GALNT13: variants seen among roughly 807,000 people sequenced by gnomAD.
GALNT13 encodes UDP-GalNAc:polypeptide N-acetylgalactosaminyltransferase 13.
Under a neutral mutation model 64.2 loss-of-function variants are expected in GALNT13, and 28 were observed. The ratio of observed to expected loss-of-function variants is 0.44; its 90% CI spans 0.32 to 0.60. The LOEUF is 0.60. GALNT13 is among the 20% of genes least tolerant of loss of function. The probability of loss-of-function intolerance (pLI) is 0.05; values close to 1 mark genes in which losing one functional copy is unlikely to be tolerated. For missense variants in GALNT13, 577 were observed against 669.8 expected, an observed-to-expected ratio of 0.86 and a Z score of 1.53; for synonymous variants, 214 against 224.6, an observed-to-expected ratio of 0.95 and a Z score of 0.42.
the GALNT13 span, among the ~76,000 whole-genome samples, chr2:153,198,342 C>T: frequency 6.6e-6 from 1 of 152,180 alleles, no homozygotes; most frequent in Admixed American, 6.5e-5. Flanking sequence ...ACTAGAATTA[C>T]AGGAGTCTGA....
chr2:153,193,586 T>C, the GALNT13 span, among the ~76,000 whole-genome samples: 1 of 151,938 alleles, frequency 6.6e-6, no homozygotes, highest in African/African-American at 2.4e-5. Flanking sequence ...CCCTAAAACT[T>C]AAAGTATAAT....
the GALNT13 span, among the ~76,000 whole-genome samples, chr2:153,617,245 C>T: frequency 0.01 from 1,581 of 151,966 alleles, 26 homozygotes; most frequent in African/African-American, 0.036. Flanking sequence ...TCCTTCTGTA[C>T]CCAGTTTTTT....
At chr2:153,220,474 T>C in the GALNT13 span, among the ~76,000 whole-genome samples, 1 of 152,222 alleles carries the variant, frequency 6.6e-6, no homozygotes, top group Non-Finnish European at 1.5e-5. Flanking sequence ...TGAGCTTGTA[T>C]ACAACTTCAG....
chr2:153,121,937 T>C, the GALNT13 span, among the ~76,000 whole-genome samples: 22 of 152,184 alleles, frequency 1.4e-4, no homozygotes, highest in Non-Finnish European at 2.9e-5. Flanking sequence ...TCTATACATA[T>C]ATTTCTATTT....
chr2:153,657,104 T>A, the GALNT13 span, among the ~76,000 whole-genome samples: 1 of 152,138 alleles, frequency 6.6e-6, no homozygotes, highest in African/African-American at 2.4e-5. Context: ...TATGAAGTTA[T>A]GGGCTCTACC....
intron 4 of GALNT13, among the ~76,000 whole-genome samples, chr2:154,209,850 T>G (rs773278334): frequency 6.6e-6 from 1 of 152,226 alleles, no homozygotes; most frequent in Non-Finnish European, 1.5e-5. Flanking sequence ...TTACTTGTCA[T>G]GTTTTGTGAT....
At chr2:153,118,297 G>T in the GALNT13 span, among the ~76,000 whole-genome samples, 1 of 152,104 alleles carries the variant, frequency 6.6e-6, no homozygotes, top group East Asian at 1.9e-4. Flanking sequence ...TTCTTGCAAT[G>T]CACTGTGCTA....
At chr2:154,143,877 A>G (rs1683411686) in intron 4 of GALNT13, among the ~76,000 whole-genome samples, 1 of 151,148 alleles carries the variant, frequency 6.6e-6, no homozygotes, top group Non-Finnish European at 1.5e-5. Context: ...AAAAAAAAAA[A>G]AAAAAAAAAG....
At chr2:153,797,861 G>T in the GALNT13 span, among the ~76,000 whole-genome samples, 3 of 152,232 alleles carry the variant, frequency 2.0e-5, no homozygotes, top group African/African-American at 7.2e-5. Context: ...GAAATACAAT[G>T]ATTTTTTTTG....
chr2:153,244,985 C>T, the GALNT13 span, among the ~76,000 whole-genome samples: 1 of 152,182 alleles, frequency 6.6e-6, no homozygotes, highest in Non-Finnish European at 1.5e-5. Flanking sequence ...GGCTGTTTTC[C>T]CCTGACAGTG....
At chr2:154,166,274 A>G (rs181092163) in intron 4 of GALNT13, among the ~76,000 whole-genome samples, 3 of 152,228 alleles carry the variant, frequency 2.0e-5, no homozygotes, top group East Asian at 3.9e-4. Flanking sequence ...GTGTGGTGGC[A>G]TGTGCCTGTA....
intron 3 of GALNT13, among the ~76,000 whole-genome samples, chr2:153,961,763 T>TA (rs1692960689): frequency 6.6e-6 from 1 of 152,174 alleles, no homozygotes; most frequent in Non-Finnish European, 1.5e-5. Flanking sequence ...AGAGAGTGGG[T>TA]AACAAAACTG....
chr2:154,187,861 A>T (rs1366916357), intron 4 of GALNT13, among the ~76,000 whole-genome samples: 2 of 152,158 alleles, frequency 1.3e-5, no homozygotes, highest in Non-Finnish European at 2.9e-5. Context: ...TCTGACCATA[A>T]GTGACAGAAA....
the GALNT13 span, among the ~76,000 whole-genome samples, chr2:153,392,335 A>T: frequency 6.6e-6 from 1 of 150,512 alleles, no homozygotes; most frequent in Admixed American, 6.6e-5. Context: ...ATGAAATATT[A>T]AAAAAAAACC....
At chr2:154,338,283 A>T in intron 9 of GALNT13, among the ~76,000 whole-genome samples, 1 of 152,158 alleles carries the variant, frequency 6.6e-6, no homozygotes, top group East Asian at 1.9e-4. Context: ...GTACCAAATT[A>T]AATACAGAAT....
At position 153,886,368 on chromosome 2, in the gene GALNT13, C is replaced by A. The variant is rs150769216; in HGVS notation, c.-177+14065C>A. On this transcript the variant is annotated intron_variant, in intron 1 of 12. Transcript: ENST00000392825. Reference sequence around the variant, plus strand: ...CTAATGCTATCCCTCCCCACTCCCCCCACCCCGCAACAGGCCCCAGTGTGT... The same window carrying A: ...CTAATGCTATCCCTCCCCACTCCCCACACCCCGCAACAGGCCCCAGTGTGT... Among the ~76,000 whole-genome samples, 6 of 151,750 alleles carry A rather than the reference C, an allele frequency of 4.0e-5. No homozygotes were observed. In the East Asian group the frequency reaches 1.2e-3, roughly 30 times the overall value.
chr2:153,634,073 C>T, the GALNT13 span, among the ~76,000 whole-genome samples: 4 of 152,040 alleles, frequency 2.6e-5, no homozygotes, highest in Admixed American at 2.6e-4. Flanking sequence ...ATTTCCATAA[C>T]TTTGTGTGGC....
At chr2:153,462,271 A>G in the GALNT13 span, among the ~76,000 whole-genome samples, 5 of 152,244 alleles carry the variant, frequency 3.3e-5, no homozygotes, top group African/African-American at 1.2e-4. Context: ...ACATATTTCT[A>G]ATATATCTTT....
the GALNT13 span, among the ~76,000 whole-genome samples, chr2:153,612,838 C>T: frequency 3.3e-5 from 5 of 152,124 alleles, no homozygotes; most frequent in East Asian, 1.9e-4. Flanking sequence ...CTTTTCATTA[C>T]GTATATATGG....
Sources: allele counts gnomAD v4.1 joint callset (sites outside exome capture counted in the v4.1 genomes callset), GRCh38; gene constraint gnomAD v4.1.1; transcripts MANE v1.5; gene names NCBI Gene and HGNC (gene_info 2026-07-23, HGNC 2026-07-21).